Variants in PTPRM observed in about 807,000 individuals in gnomAD.
The protein encoded by PTPRM is protein tyrosine phosphatase receptor type M, also known as receptor-type tyrosine-protein phosphatase mu.
A neutral mutation model predicts 186.7 loss-of-function variants in PTPRM; 47 were observed. That is an observed-to-expected ratio of 0.25 (90% CI 0.20 to 0.32). The LOEUF (loss-of-function observed/expected upper bound fraction) is 0.32. PTPRM is among the 10% of genes least tolerant of loss of function. The pLI is 1.00. For missense variants in PTPRM, 1,494 were observed against 1,865.0 expected, an observed-to-expected ratio of 0.80 and a Z score of 3.66; for synonymous variants, 668 against 674.9, an observed-to-expected ratio of 0.99 and a Z score of 0.16.
At chr18:7,758,470 G>T (rs974431636) in intron 1 of PTPRM, among the ~76,000 whole-genome samples, 2 of 152,190 alleles carry the variant, frequency 1.3e-5, no homozygotes, top group Non-Finnish European at 2.9e-5. Context: ...TGTAAATCAG[G>T]ATTTAGGTTT....
At chr18:7,936,431 T>C (rs7232132) in intron 5 of PTPRM, among the ~76,000 whole-genome samples, 29,077 of 152,236 alleles carry the variant, frequency 0.19, 4,182 homozygotes, top group African/African-American at 0.41. Flanking sequence ...AAGTTGAGGC[T>C]AAACCCAGGT....
At chr18:8,184,289 T>A (rs962419748) in intron 14 of PTPRM, among the ~76,000 whole-genome samples, 1 of 151,954 alleles carries the variant, frequency 6.6e-6, no homozygotes, top group African/African-American at 2.4e-5. Flanking sequence ...ATCTTCTCTG[T>A]TTCACTGATT....
chr18:7,677,863 G>A (rs1431631763), intron 1 of PTPRM, among the ~76,000 whole-genome samples: 1 of 152,158 alleles, frequency 6.6e-6, no homozygotes, highest in East Asian at 1.9e-4. Context: ...ACCCTGCCCT[G>A]GTTTGCTGTG....
intron 7 of PTPRM, among the ~76,000 whole-genome samples, chr18:7,960,345 C>T (rs114097708): frequency 0.022 from 3,273 of 151,512 alleles, 46 homozygotes; most frequent in African/African-American, 0.045. Context: ...ATTGAGCATC[C>T]GTATTTGCCG....
In PTPRM at chr18:8,001,018, T is replaced by A. The variant is rs73383875; in HGVS notation, c.1132+45604T>A. Reference sequence around the variant, plus strand: ...AGGAAAGAGAGCACCATTTCTAAAATGTTTAGTGAAAATAGCATTTTCAAG... The same window carrying A: ...AGGAAAGAGAGCACCATTTCTAAAAAGTTTAGTGAAAATAGCATTTTCAAG... On this transcript the variant is annotated intron_variant, in intron 7 of 32. Coordinates refer to ENST00000580170, the MANE Select transcript of PTPRM (RefSeq NM_001105244.2). Among the ~76,000 whole-genome samples the A allele has an allele frequency of 8.0e-3, 1,223 of 152,278 alleles. 19 individuals are homozygous for A. Among genetic ancestry groups the A allele is most frequent in the African/African-American group, 0.028 (1,181 of 41,546 alleles).
chr18:7,602,233 G>A (rs983487364), intron 1 of PTPRM, among the ~76,000 whole-genome samples: 1 of 152,146 alleles, frequency 6.6e-6, no homozygotes, highest in African/African-American at 2.4e-5. Flanking sequence ...CTACCACTAA[G>A]TTGGTGGTAA....
At chr18:8,207,806 C>T (rs2093950946) in intron 14 of PTPRM, among the ~76,000 whole-genome samples, 2 of 152,070 alleles carry the variant, frequency 1.3e-5, no homozygotes, top group African/African-American at 2.4e-5. Context: ...AGTGGAGTCC[C>T]AAAGAGAGGG....
chr18:8,090,473 A>G (rs1175509273), intron 11 of PTPRM, among the ~76,000 whole-genome samples: 3 of 152,234 alleles, frequency 2.0e-5, no homozygotes, highest in Non-Finnish European at 4.4e-5. Context: ...CAGTTATCCC[A>G]TGGTACTTTG....
chr18:7,610,985 A>C (rs551903683), intron 1 of PTPRM, among the ~76,000 whole-genome samples: 2 of 152,258 alleles, frequency 1.3e-5, no homozygotes, highest in East Asian at 3.9e-4. Flanking sequence ...CAGGATGTAG[A>C]TGTGGAAGAC....
At chr18:8,399,708 G>T (rs192080110) in intron 32 of PTPRM, 15 of 152,282 alleles carry the variant, frequency 9.9e-5, no homozygotes, top group African/African-American at 3.6e-4. Context: ...TCCAGATCCG[G>T]ATCCCTCCTC....
At chr18:7,849,150 A>G (rs566724640) in intron 2 of PTPRM, among the ~76,000 whole-genome samples, 12 of 152,232 alleles carry the variant, frequency 7.9e-5, no homozygotes, top group African/African-American at 2.4e-4. Context: ...CCCCTCACCT[A>G]TCAAATGGAT....
chr18:7,783,387 A>G (rs1394087571), intron 2 of PTPRM, among the ~76,000 whole-genome samples: 6 of 152,112 alleles, frequency 3.9e-5, no homozygotes, highest in South Asian at 4.2e-4. Context: ...GAAAGGGACA[A>G]TGAGTTTTGA....
At chr18:8,194,408 C>G (rs1222774556) in intron 14 of PTPRM, among the ~76,000 whole-genome samples, 1 of 152,206 alleles carries the variant, frequency 6.6e-6, no homozygotes, top group Non-Finnish European at 1.5e-5. Context: ...ATGTGGAAAA[C>G]AAGCATTAAA....
chr18:7,658,199 A>G (rs1328837984), intron 1 of PTPRM, among the ~76,000 whole-genome samples: 1 of 151,806 alleles, frequency 6.6e-6, no homozygotes, highest in Non-Finnish European at 1.5e-5. Flanking sequence ...TCATTCTTAA[A>G]TGCTGTTCTG....
intron 2 of PTPRM, among the ~76,000 whole-genome samples, chr18:7,847,061 T>A (rs1405938725): frequency 6.6e-6 from 1 of 151,468 alleles, no homozygotes; most frequent in Non-Finnish European, 1.5e-5. Flanking sequence ...TCATCTGCAG[T>A]TAGTTATCTA....
At chr18:8,120,425 G>A (rs941937471) in intron 13 of PTPRM, among the ~76,000 whole-genome samples, 1 of 148,866 alleles carries the variant, frequency 6.7e-6, no homozygotes, top group Non-Finnish European at 1.5e-5. Context: ...GTAACTTTTT[G>A]TTCATATTGT....
chr18:8,272,680 G>C (rs2094787433), intron 19 of PTPRM, among the ~76,000 whole-genome samples: 1 of 152,000 alleles, frequency 6.6e-6, no homozygotes, highest in African/African-American at 2.4e-5. Flanking sequence ...AACATTCATT[G>C]CAATTTGTGA....
chr18:7,618,407 C>T (rs1180709982), intron 1 of PTPRM, among the ~76,000 whole-genome samples: 1 of 152,128 alleles, frequency 6.6e-6, no homozygotes, highest in African/African-American at 2.4e-5. Context: ...TTGTTTCTCT[C>T]ACTTTAACTC....
chr18:7,734,358 G>A (rs2040723860), intron 1 of PTPRM, among the ~76,000 whole-genome samples: 1 of 152,200 alleles, frequency 6.6e-6, no homozygotes, highest in Non-Finnish European at 1.5e-5. Context: ...CCTGTAATCT[G>A]TGACATTTCA....
Sources: gnomAD v4.1 joint callset for allele counts (sites outside exome capture counted in the v4.1 genomes callset) on GRCh38, gnomAD v4.1.1 for gene constraint, MANE v1.5 for transcripts, NCBI Gene and HGNC (gene_info 2026-07-23, HGNC 2026-07-21) for gene names.